Variants in DMD observed in about 807,000 individuals in gnomAD.
The protein encoded by DMD is dystrophin.
In DMD, 63 loss-of-function variants were observed where a neutral mutation model predicts 330.1. The observed-to-expected ratio is 0.19, with a 90% CI of 0.16 to 0.24. DMD has a LOEUF of 0.24. DMD is among the 10% of genes least tolerant of loss of function. The pLI is 1.00. For missense variants in DMD, 3,344 were observed against 2,684.1 expected, an observed-to-expected ratio of 1.25 and a Z score of -5.43; for synonymous variants, 1,223 against 959.8, an observed-to-expected ratio of 1.27 and a Z score of -5.07.
chrX:32,760,682 G>C (rs2072159388), intron 7 of DMD, among the ~76,000 whole-genome samples: 2 of 111,779 alleles, frequency 1.8e-5, no homozygotes, highest in African/African-American at 6.5e-5. Context: ...AACATATTCA[G>C]GTTTACTTGC....
intron 44 of DMD, among the ~76,000 whole-genome samples, chrX:32,098,754 T>C (rs780203931): frequency 8.9e-6 from 1 of 112,274 alleles, no homozygotes; most frequent in East Asian, 2.8e-4. Context: ...TCAATCAGAA[T>C]GCTCATAAAA....
intron 60 of DMD, among the ~76,000 whole-genome samples, chrX:31,396,003 C>T (rs1016389061): frequency 8.9e-6 from 1 of 112,177 alleles, no homozygotes; most frequent in African/African-American, 3.2e-5. Flanking sequence ...TGTCCTTTAG[C>T]TATTACTGTT....
At chrX:32,355,850 TTCA>T (rs1368457046) in intron 37 of DMD, among the ~76,000 whole-genome samples, 1 of 110,863 alleles carries the variant, frequency 9.0e-6, no homozygotes, top group Non-Finnish European at 1.9e-5. Context: ...CATCTCAGTT[TTCA>T]TGTTTTTATA....
At chrX:33,298,110 T>C (rs1013118647) in intron 1 of DMD, among the ~76,000 whole-genome samples, 2 of 111,482 alleles carry the variant, frequency 1.8e-5, no homozygotes, top group African/African-American at 6.5e-5. Context: ...ATGATTTCAA[T>C]AACATATCAT....
chrX:31,917,210 G>A (rs1017716149), intron 47 of DMD, among the ~76,000 whole-genome samples: 3 of 111,837 alleles, frequency 2.7e-5, no homozygotes, highest in Non-Finnish European at 5.6e-5. Context: ...AAGATCTCAA[G>A]GTGATTCCTG....
intron 44 of DMD, among the ~76,000 whole-genome samples, chrX:32,178,960 CTCTCTCTCTCT>C (rs1569549017): frequency 1.4e-3 from 147 of 104,250 alleles, no homozygotes; most frequent in African/African-American, 5.0e-3. Flanking sequence ...CTCTCTCTCT[CTCTCTCTCTCT>C]CTCTCTCTCT....
chrX:32,597,305 C>T (rs808535), intron 12 of DMD, among the ~76,000 whole-genome samples: 38,505 of 110,136 alleles, frequency 0.35, 6,132 homozygotes, highest in African/African-American at 0.62. Flanking sequence ...CCTTTTGTCT[C>T]TACTTACTAT....
chrX:32,409,235 T>C (rs930640781), intron 30 of DMD, among the ~76,000 whole-genome samples: 4 of 111,426 alleles, frequency 3.6e-5, no homozygotes, highest in African/African-American at 9.8e-5. Context: ...TGTATTACCA[T>C]TGGGGAGACT....
chrX:32,875,181 C>T (rs1488745009), intron 2 of DMD, among the ~76,000 whole-genome samples: 1 of 112,057 alleles, frequency 8.9e-6, no homozygotes, highest in East Asian at 2.8e-4. Context: ...CCCTCTCGAT[C>T]GAGACCTTGA....
At chrX:32,171,665 TAAAG>T (rs781527836) in intron 44 of DMD, among the ~76,000 whole-genome samples, 48 of 111,463 alleles carry the variant, frequency 4.3e-4, no homozygotes, top group African/African-American at 9.7e-4. Flanking sequence ...AGATGAAAAA[TAAAG>T]AAAGTATGTG....
At chrX:32,627,387 TA>T (rs1301176157) in intron 11 of DMD, among the ~76,000 whole-genome samples, 1 of 104,382 alleles carries the variant, frequency 9.6e-6, no homozygotes, top group Non-Finnish European at 1.9e-5. Context: ...AAATTACAAA[TA>T]AAAAAGAAGA....
chrX:32,526,343 C>A (rs1405226105), intron 17 of DMD, among the ~76,000 whole-genome samples: 2 of 111,649 alleles, frequency 1.8e-5, no homozygotes, highest in Admixed American at 1.9e-4. Context: ...CAATTTTTTT[C>A]TCCTTTACAA....
At chrX:32,128,613 C>A (rs2096672948) in intron 44 of DMD, among the ~76,000 whole-genome samples, 1 of 111,914 alleles carries the variant, frequency 8.9e-6, no homozygotes, top group Non-Finnish European at 1.9e-5. Flanking sequence ...GCCTGTAAAA[C>A]CTAAATTGCT....
chrX:32,124,186 G>C (rs776383608), intron 44 of DMD, among the ~76,000 whole-genome samples: 2 of 112,512 alleles, frequency 1.8e-5, no homozygotes, highest in Non-Finnish European at 3.7e-5. Flanking sequence ...GGTGTTTACA[G>C]CAAATTATGC....
At chrX:31,700,200 A>G (rs907475025) in intron 52 of DMD, among the ~76,000 whole-genome samples, 23 of 110,323 alleles carry the variant, frequency 2.1e-4, no homozygotes, top group African/African-American at 7.6e-4. Flanking sequence ...AAAAAAAAAA[A>G]TTCTCTCACA....
At chrX:32,020,699 T>C (rs1293520335) in intron 44 of DMD, among the ~76,000 whole-genome samples, 1 of 112,413 alleles carries the variant, frequency 8.9e-6, no homozygotes, top group African/African-American at 3.2e-5. Context: ...CTGCAAGAAA[T>C]ACATTTCTGT....
intron 1 of DMD, among the ~76,000 whole-genome samples, chrX:33,033,521 A>G (rs190938296): frequency 0.025 from 2,545 of 101,300 alleles, 108 homozygotes; most frequent in African/African-American, 0.094. Flanking sequence ...CCCTCCTGGC[A>G]AACACGGTGA....
chrX:31,573,440 T>C (rs962411333), intron 55 of DMD, among the ~76,000 whole-genome samples: 1 of 111,798 alleles, frequency 8.9e-6, no homozygotes, highest in Non-Finnish European at 1.9e-5. Flanking sequence ...TGCTAACTTC[T>C]ACACTGGGAT....
chrX:32,774,735 T>C (rs1330213918), intron 7 of DMD, among the ~76,000 whole-genome samples: 1 of 111,025 alleles, frequency 9.0e-6, no homozygotes, highest in African/African-American at 3.3e-5. Flanking sequence ...GGATTACAAT[T>C]TGAGACAAAA....
Sources: gnomAD v4.1 joint callset for allele counts (sites outside exome capture counted in the v4.1 genomes callset) on GRCh38, gnomAD v4.1.1 for gene constraint, MANE v1.5 for transcripts, NCBI Gene and HGNC (gene_info 2026-07-23, HGNC 2026-07-21) for gene names.